The following FBXO24 variants were observed in gnomAD, a reference collection of about 807,000 sequenced individuals.
The protein encoded by FBXO24 is F-box protein 24.
FBXO24 carries 30 observed loss-of-function variants against 63.5 expected under a neutral mutation model. The ratio of observed to expected loss-of-function variants is 0.47; its 90% CI spans 0.35 to 0.64. The LOEUF is 0.64. Among genes scored for constraint, FBXO24 ranks in the 30% least tolerant of loss-of-function variants. The pLI, the probability that FBXO24 is intolerant of heterozygous loss-of-function variation, is 0.00. For missense variants in FBXO24, 624 were observed against 763.4 expected (o/e 0.82, Z 2.15); for synonymous variants, 300 against 305.0 (o/e 0.98, Z 0.17).
intron 1 of FBXO24, chr7:100,586,890 G>A (rs1371359100): frequency 5.2e-6 from 3 of 579,810 alleles, no homozygotes; most frequent in East Asian, 3.0e-5. Context: ...CTCTGGCAGG[G>A]GTCTCGGGAC....
intron 3 of FBXO24, 43 bp downstream of exon 3, chr7:100,590,400 C>G: frequency 6.4e-7 from 1 of 1,563,264 alleles, no homozygotes; most frequent in Admixed American, 1.8e-5. Flanking sequence ...GCCTCTGTCC[C>G]GCCTTAGCCT....
rs985956264 is a variant in FBXO24 at position 100,594,234 on chromosome 7, G to A, written c.794-149G>A. 9 of 771,272 alleles carry A rather than the reference G, an allele frequency of 1.2e-5. No homozygotes were observed. The African/African-American group carries it at 1.5e-4, about 12-fold the overall frequency. The allele number at this position is 771,272 out of a possible 1,614,324, so 47.8% of individuals were successfully genotyped here. ...ATTTATGGTGGGAACTGGAGTCTGGGGGACTTGGGGTCACTCTTCCCTTAT... is the reference window on the plus strand; with the variant it reads ...ATTTATGGTGGGAACTGGAGTCTGGAGGACTTGGGGTCACTCTTCCCTTAT... On this transcript the variant is annotated intron_variant, in intron 5 of 9. Transcript: ENST00000241071. This position sits in a 1 kb window ranked among gnomAD's most constrained non-coding sequence, Gnocchi z 4.2.
intron 5 of FBXO24, 54 bp downstream of exon 5, chr7:100,593,071 C>T (rs1802111818): frequency 6.7e-7 from 1 of 1,494,284 alleles, no homozygotes; most frequent in Non-Finnish European, 9.3e-7. Flanking sequence ...TTCCTCAGAC[C>T]CTGCTGCAGA....
Position 100,586,442 on chromosome 7 carries a change from A to C in FBXO24, c.-184A>C, listed in dbSNP as rs1801755558. 3.0e-6 allele frequency: 2 copies of C among 672,462 alleles called. No individual in the cohort carries two copies. The highest frequency in any genetic ancestry group is 5.2e-6 in the Non-Finnish European group (2 of 382,246). The allele number at this position is 672,462 out of a possible 1,614,324, so 41.7% of individuals were successfully genotyped here. A position where few individuals can be genotyped will look rare whatever the true frequency, so the allele number is the denominator to read the frequency against. On this transcript the variant is annotated 5_prime_UTR_variant, in exon 1 of 10. Transcript: ENST00000241071. Reference sequence around the variant, plus strand: ...TCAGGTCCAACCAAGAGGAGGGGACACCGGCACTCCACTAGCAGGAAAACG... The same window carrying C: ...TCAGGTCCAACCAAGAGGAGGGGACCCCGGCACTCCACTAGCAGGAAAACG...
intron 4 of FBXO24, chr7:100,592,416 C>A: frequency 3.5e-6 from 1 of 287,428 alleles, no homozygotes. Context: ...AGCACACAAG[C>A]AAGAGCAGGG....
chr7:100,589,669 G>A, intron 1 of FBXO24: 2 of 1,512,144 alleles, frequency 1.3e-6, no homozygotes, highest in Non-Finnish European at 1.8e-6. Context: ...CAGGAACGGG[G>A]GGGCCAAGGG....
Position 100,592,843 on chromosome 7 carries a change from C to T in FBXO24, c.619C>T (p.Arg207Trp), listed in dbSNP as rs139650398. Residue 207 changes from arginine to tryptophan, a missense_variant, in exon 5 of 10, where the codon CGG becomes TGG. Arg to Trp is a moderately radical substitution (Grantham distance 101, BLOSUM62 -3). Transcript: ENST00000241071. ...TAAATACCTCTACGTCTTGGCCACT[C>T]GGGAGCCGCAGGAAGTGGTGGGTAC... ...YRKYLYVLATREPQEVVGTTS... is the reference protein window; with the variant it reads ...YRKYLYVLATWEPQEVVGTTS... 2.2e-4 allele frequency: 355 copies of T among 1,614,020 alleles called. No homozygotes were observed. The highest frequency in any genetic ancestry group is 2.6e-4 in the Non-Finnish European group (303 of 1,180,036).
intron 8 of FBXO24, 23 bp downstream of exon 8, chr7:100,595,729 C>A: frequency 6.4e-7 from 1 of 1,565,888 alleles, no homozygotes; most frequent in South Asian, 1.2e-5. Flanking sequence ...CCCAGCAACT[C>A]TCATCCCAAC....
At chr7:100,599,028 G>C (rs145865173) in intron 8 of FBXO24, among the ~76,000 whole-genome samples, 90 of 151,178 alleles carry the variant, frequency 6.0e-4, no homozygotes, top group Non-Finnish European at 1.0e-3. Flanking sequence ...CCCGGAGTTC[G>C]AGATCACCAT....
At chr7:100,589,672 GC>G in intron 1 of FBXO24, 2 of 1,519,260 alleles carry the variant, frequency 1.3e-6, no homozygotes. Flanking sequence ...GAACGGGGGG[GC>G]CAAGGGCCTA....
In FBXO24 at chr7:100,594,216, G is replaced by A. The variant is rs1297636463; in HGVS notation, c.794-167G>A. On this transcript the variant is annotated intron_variant, in intron 5 of 9. Coordinates refer to ENST00000241071, the MANE Select transcript of FBXO24 (RefSeq NM_033506.3). This position sits in a 1 kb window ranked among gnomAD's most constrained non-coding sequence, Gnocchi z 4.2. The stretch of plus-strand genomic sequence containing the variant: ...TGCTGAAGTACTTCCCTGATTTATG[G>A]TGGGAACTGGAGTCTGGGGGACTTG... Among the ~76,000 whole-genome samples the A allele has an allele frequency of 6.6e-6, 1 of 152,126 alleles. No individual in the cohort carries two copies. The highest frequency in any genetic ancestry group is 2.4e-5 in the African/African-American group (1 of 41,420).
At position 100,589,890 on chromosome 7, in the gene FBXO24, G is replaced by A. The variant is rs1262888584; in HGVS notation, c.40-87G>A. ...GGGAGGAAATAACTGTGCCCAGCTA[G>A]AGTCAGATGAGCCCCAAGGTAGGCG... On this transcript the variant is annotated intron_variant, in intron 1 of 9. Coordinates refer to ENST00000241071, the MANE Select transcript of FBXO24 (RefSeq NM_033506.3). 13 of 1,558,032 alleles carry A rather than the reference G, an allele frequency of 8.3e-6. No individual in the cohort carries two copies. The African/African-American group carries it at 1.6e-4, about 20-fold the overall frequency.
At position 100,589,995 on chromosome 7, in the gene FBXO24, T is replaced by C. The variant is rs763330528; in HGVS notation, c.58T>C (p.Ser20Pro). The C allele has an allele frequency of 6.2e-7, 1 of 1,613,320 alleles. No individual in the cohort carries two copies. The highest frequency in any genetic ancestry group is 8.5e-7 in the Non-Finnish European group (1 of 1,179,764). The change falls in exon 2 of 10, where the codon TCT (serine) becomes CCT (proline). Residue 20 changes from serine to proline, a missense_variant. By Grantham distance (74) the Ser-to-Pro change is moderately conservative (BLOSUM62 -1). This residue lies in a region of FBXO24 where 391 missense variants were observed against 469.1 expected (regional missense o/e 0.83). Transcript: ENST00000241071. ...RRRRVKRSCP[S>P]CGSELGVEEK... ...TGGGTAGGTGAAGAGAAGCTGCCCT[T>C]CTTGTGGCTCGGAGCTTGGGGTTGA...
At chr7:100,597,743 C>A (rs1485615628) in intron 8 of FBXO24, among the ~76,000 whole-genome samples, 1 of 151,654 alleles carries the variant, frequency 6.6e-6, no homozygotes, top group Admixed American at 6.6e-5. Context: ...CCACTGCTTC[C>A]CAAGCTGGAG....
chr7:100,596,729 G>T (rs1432128105), intron 8 of FBXO24, among the ~76,000 whole-genome samples: 1 of 152,240 alleles, frequency 6.6e-6, no homozygotes, highest in Admixed American at 6.5e-5. Context: ...CTGATTAGAT[G>T]TAGAAGAGAG....
rs755157636 is a variant in FBXO24, at chr7:100,593,046, A to G, written c.793+29A>G. The G allele has an allele frequency of 5.0e-6, 8 of 1,596,700 alleles. No homozygotes were observed. The East Asian group carries it at 1.8e-4, about 36-fold the overall frequency. On this transcript the variant is annotated intron_variant, in intron 5 of 9. Transcript: ENST00000241071. ...TGGCCCAAAGCAATGGCTTTTGCAA[A>G]CTGTTTCCTGCAGATTCCTCAGACC...
At chr7:100,589,930 A>G (rs1324829575) in intron 1 of FBXO24, 47 bp from the exon 2 acceptor site, 1 of 1,581,896 alleles carries the variant, frequency 6.3e-7, no homozygotes. Context: ...GAAGGGAAAA[A>G]AGGATGTGGG....
rs1460672739 is a variant in FBXO24, at chr7:100,586,411, A to G, written c.-215A>G. On this transcript the variant is annotated 5_prime_UTR_variant, in exon 1 of 10. Transcript: ENST00000241071. ...TCACAATGCTCAGATCGGGAGGTGG[A>G]GCCAATCAGGTCCAACCAAGAGGAG... 4.7e-6 allele frequency: 3 copies of G among 639,224 alleles called. No individual in the cohort carries two copies. The highest frequency in any genetic ancestry group is 8.2e-6 in the Non-Finnish European group (3 of 365,720). 39.6% of individuals were successfully genotyped at this position (639,224 alleles called of 1,614,324 possible).
At chr7:100,597,830 C>T (rs1362696589) in intron 8 of FBXO24, among the ~76,000 whole-genome samples, 1 of 151,860 alleles carries the variant, frequency 6.6e-6, no homozygotes, top group Non-Finnish European at 1.5e-5. Context: ...ACCTCCCAAG[C>T]AGCTAGGACT....
Sources: gnomAD v4.1 joint callset for allele counts (sites outside exome capture counted in the v4.1 genomes callset) on GRCh38, gnomAD v4.1.1 for gene constraint, gnomAD v4.1.1 regional missense constraint, Gnocchi (gnomAD v3.1) non-coding constraint, MANE v1.5 for transcripts, NCBI Gene and HGNC (gene_info 2026-07-23, HGNC 2026-07-21) for gene names.